Variants in XRCC4 observed in about 807,000 individuals in gnomAD.
XRCC4 encodes the protein DNA repair protein XRCC4.
XRCC4 carries 28 observed loss-of-function variants against 39.1 expected under a neutral mutation model. The observed-to-expected ratio is 0.72, with a 90% CI of 0.53 to 0.98. The LOEUF is 0.98. Among genes scored for constraint, XRCC4 ranks in the 50% least tolerant of loss-of-function variants. The pLI is 0.00. For missense variants in XRCC4, 350 were observed against 376.4 expected (o/e 0.93, Z 0.58); for synonymous variants, 123 against 126.4 (o/e 0.97, Z 0.18).
chr5:83,218,964 A>G (rs1751977428), intron 6 of XRCC4, among the ~76,000 whole-genome samples: 1 of 152,134 alleles, frequency 6.6e-6, no homozygotes, highest in Non-Finnish European at 1.5e-5. Flanking sequence ...TGACTTGAAC[A>G]ACAGAAATAT....
intron 7 of XRCC4, among the ~76,000 whole-genome samples, chr5:83,338,745 T>C (rs1756666488): frequency 6.6e-6 from 1 of 152,182 alleles, no homozygotes; most frequent in African/African-American, 2.4e-5. Context: ...AAATTAGTAA[T>C]TTGTGTAATC....
intron 6 of XRCC4, among the ~76,000 whole-genome samples, chr5:83,237,831 TA>T (rs1238785724): frequency 6.6e-6 from 1 of 152,074 alleles, no homozygotes; most frequent in African/African-American, 2.4e-5. Context: ...TTACAATAAA[TA>T]TCACATGTAC....
chr5:83,235,350 A>AAAAG (rs964250953), intron 6 of XRCC4, among the ~76,000 whole-genome samples: 25 of 150,820 alleles, frequency 1.7e-4, no homozygotes, highest in African/African-American at 5.4e-4. Flanking sequence ...AAAAAAAAAA[A>AAAAG]AAAGAAAGAA....
At chr5:83,373,598 G>T in the XRCC4 span, among the ~76,000 whole-genome samples, 488 of 152,284 alleles carry the variant, frequency 3.2e-3, 2 homozygotes, top group African/African-American at 0.011. Flanking sequence ...GTTCCATAAT[G>T]AGAAATTGAC....
At chr5:83,245,831 A>C (rs1753079295) in intron 6 of XRCC4, among the ~76,000 whole-genome samples, 4 of 125,508 alleles carry the variant, frequency 3.2e-5, no homozygotes, top group African/African-American at 5.9e-5. Flanking sequence ...CACTTTTCTC[A>C]CTCCCCCCCT....
intron 7 of XRCC4, among the ~76,000 whole-genome samples, chr5:83,328,420 G>A (rs756030153): frequency 5.9e-5 from 9 of 152,056 alleles, no homozygotes; most frequent in Non-Finnish European, 1.2e-4. Context: ...ATTTAGCAAA[G>A]TGGCTTGATA....
intron 6 of XRCC4, among the ~76,000 whole-genome samples, chr5:83,235,568 C>T (rs1382329145): frequency 6.6e-6 from 1 of 151,824 alleles, no homozygotes; most frequent in South Asian, 2.1e-4. Flanking sequence ...TATACCTTAA[C>T]GTGACAAAGG....
At chr5:83,224,073 T>A (rs1752198453) in intron 6 of XRCC4, among the ~76,000 whole-genome samples, 1 of 152,080 alleles carries the variant, frequency 6.6e-6, no homozygotes, top group South Asian at 2.1e-4. Context: ...TAGCGTTTTT[T>A]AAAATCCATT....
intron 7 of XRCC4, among the ~76,000 whole-genome samples, chr5:83,307,739 A>G (rs2112076088): frequency 6.6e-6 from 1 of 152,328 alleles, no homozygotes; most frequent in African/African-American, 2.4e-5. Context: ...TAGTTGGAAC[A>G]TAGCATGTAC....
At chr5:83,195,001 A>T (rs1750878946) in intron 3 of XRCC4, among the ~76,000 whole-genome samples, 1 of 152,104 alleles carries the variant, frequency 6.6e-6, no homozygotes, top group South Asian at 2.1e-4. Flanking sequence ...TAATCATCAT[A>T]ATTTGTTATC....
At chr5:83,254,139 G>T (rs1374639619) in intron 6 of XRCC4, among the ~76,000 whole-genome samples, 1 of 136,058 alleles carries the variant, frequency 7.3e-6, no homozygotes, top group African/African-American at 2.8e-5. Flanking sequence ...AATGGTAAAA[G>T]ACATGTTGTC....
intron 3 of XRCC4, among the ~76,000 whole-genome samples, chr5:83,190,019 A>G (rs573145961): frequency 1.3e-5 from 2 of 152,276 alleles, no homozygotes; most frequent in South Asian, 4.1e-4. Context: ...AGCCAGGGTC[A>G]TGCCAGTGCA....
intron 7 of XRCC4, among the ~76,000 whole-genome samples, chr5:83,266,624 C>T (rs1291043902): frequency 6.6e-6 from 1 of 151,834 alleles, no homozygotes; most frequent in Non-Finnish European, 1.5e-5. Context: ...CACAAACATG[C>T]TTTATTTAAA....
chr5:83,300,814 G>A (rs570180484), intron 7 of XRCC4, among the ~76,000 whole-genome samples: 2 of 151,720 alleles, frequency 1.3e-5, no homozygotes, highest in South Asian at 4.2e-4. Context: ...CCACTTATGA[G>A]TGAGAACATG....
rs1266103743 is a variant in XRCC4, at chr5:83,321,668, CAT to C, written c.894-31462_894-31461del. On this transcript the variant is annotated intron_variant, in intron 7 of 7. Transcript: ENST00000396027. Reference sequence around the variant, plus strand: ...TTGATGTCTCACTAAATGAAAGACACATGTGCATTAGATCCATCTACCTTTCA... The same window carrying C: ...TTGATGTCTCACTAAATGAAAGACACGTGCATTAGATCCATCTACCTTTCA... 7.9e-5 allele frequency among the ~76,000 whole-genome samples: 12 copies of C among 152,224 alleles called. No individual in the cohort carries two copies. In the South Asian group the frequency reaches 2.3e-3, roughly 29 times the overall value.
At chr5:83,309,769 A>C (rs1047650175) in intron 7 of XRCC4, among the ~76,000 whole-genome samples, 2 of 150,990 alleles carry the variant, frequency 1.3e-5, no homozygotes, top group Non-Finnish European at 3.0e-5. Context: ...AAAAAAAAAA[A>C]AAAAAAAAAA....
intron 7 of XRCC4, among the ~76,000 whole-genome samples, chr5:83,260,216 G>A (rs549156667): frequency 1.3e-5 from 2 of 151,988 alleles, no homozygotes; most frequent in African/African-American, 4.8e-5. Flanking sequence ...TCTTTTATAC[G>A]GTGAACCAAA....
intron 1 of XRCC4, among the ~76,000 whole-genome samples, chr5:83,082,491 C>A (rs1254109322): frequency 6.6e-6 from 1 of 152,158 alleles, no homozygotes; most frequent in Non-Finnish European, 1.5e-5. Context: ...ATCTTTGTAA[C>A]CCTTCTGTAA....
chr5:83,302,625 G>A (rs926413360), intron 7 of XRCC4, among the ~76,000 whole-genome samples: 8 of 152,110 alleles, frequency 5.3e-5, no homozygotes, highest in Non-Finnish European at 1.0e-4. Context: ...GACAGGAGCT[G>A]TTCTTATTCG....
Sources: allele counts gnomAD v4.1 joint callset (sites outside exome capture counted in the v4.1 genomes callset), GRCh38; gene constraint gnomAD v4.1.1; transcripts MANE v1.5; gene names NCBI Gene and HGNC (gene_info 2026-07-23, HGNC 2026-07-21).